The following NCOA7 variants were observed in gnomAD, a reference collection of about 807,000 sequenced individuals.
NCOA7 encodes the protein 140 kDa estrogen receptor-associated protein.
Under a neutral mutation model 104.3 loss-of-function variants are expected in NCOA7, and 45 were observed. The observed-to-expected ratio is 0.43, with a 90% CI of 0.34 to 0.55. The LOEUF (loss-of-function observed/expected upper bound fraction) is 0.55, where lower values mean the gene tolerates loss of function less well. Among genes scored for constraint, NCOA7 ranks in the 20% least tolerant of loss-of-function variants. The pLI, the probability that NCOA7 is intolerant of heterozygous loss-of-function variation, is 0.02. For missense variants in NCOA7, 1,041 were observed against 1,119.7 expected, an observed-to-expected ratio of 0.93 and a Z score of 1.00; for synonymous variants, 398 against 402.3, an observed-to-expected ratio of 0.99 and a Z score of 0.13.
At chr6:125,840,264 A>G (rs1302160457) in intron 2 of NCOA7, among the ~76,000 whole-genome samples, 1 of 152,138 alleles carries the variant, frequency 6.6e-6, no homozygotes, top group East Asian at 1.9e-4. Flanking sequence ...TTTGTATGCT[A>G]TACAATGTGT....
chr6:125,782,935 G>A (rs1774291780), intron 1 of NCOA7, among the ~76,000 whole-genome samples: 1 of 152,136 alleles, frequency 6.6e-6, no homozygotes, highest in African/African-American at 2.4e-5. Context: ...CATCACAAGC[G>A]TTCTTATGAG....
intron 2 of NCOA7, among the ~76,000 whole-genome samples, chr6:125,832,811 A>G (rs1376518210): frequency 6.6e-6 from 1 of 152,240 alleles, no homozygotes; most frequent in Non-Finnish European, 1.5e-5. Flanking sequence ...GGCAGGACAC[A>G]GGAGGAACCG....
In NCOA7 at chr6:125,882,441, C is replaced by T. The variant is rs1327835450; in HGVS notation, c.589C>T (p.Arg197Ter). 2 of 1,612,834 alleles carry T rather than the reference C, an allele frequency of 1.2e-6. No individual in the cohort carries two copies. The highest frequency in any genetic ancestry group is 1.7e-6 in the Non-Finnish European group (2 of 1,179,664). The change falls in exon 7 of 16, where the codon CGA becomes TGA. Residue 197 changes from arginine to a stop codon, truncating the protein, a stop_gained. Coordinates refer to ENST00000392477, the MANE Select transcript of NCOA7 (RefSeq NM_181782.5). LOFTEE classifies it high-confidence loss of function. Reference sequence around the variant, plus strand: ...CTTTCACAAGGATGCTGACTTAGCACGAAAGGCCTTGAAACCCATTGAAAG... The same window carrying T: ...CTTTCACAAGGATGCTGACTTAGCATGAAAGGCCTTGAAACCCATTGAAAG... ...YDKLPDADLA[R>*]KALKPIERVL...
At chr6:125,902,750 A>G (rs969188620) in intron 10 of NCOA7, among the ~76,000 whole-genome samples, 1 of 152,168 alleles carries the variant, frequency 6.6e-6, no homozygotes, top group African/African-American at 2.4e-5. Flanking sequence ...TGACCCTAAA[A>G]GAAACAGTAA....
At chr6:125,868,140 T>C (rs144247578) in intron 3 of NCOA7, among the ~76,000 whole-genome samples, 23 of 152,360 alleles carry the variant, frequency 1.5e-4, no homozygotes, top group African/African-American at 4.8e-4. Flanking sequence ...TTTTGTTCTT[T>C]TTAAAAATAC....
intron 1 of NCOA7, among the ~76,000 whole-genome samples, chr6:125,812,492 C>G (rs546817222): frequency 6.6e-6 from 1 of 152,330 alleles, no homozygotes; most frequent in African/African-American, 2.4e-5. Flanking sequence ...AGAGCTGAGA[C>G]TGTGTACTCC....
chr6:125,919,394 T>C (rs1787370524), intron 11 of NCOA7: 1 of 1,612,676 alleles, frequency 6.2e-7, no homozygotes, highest in African/African-American at 1.3e-5. Flanking sequence ...ATCCAGATTT[T>C]CTATTGTGCC....
At chr6:125,790,448 C>G (rs1774721156), upstream of NCOA7, among the ~76,000 whole-genome samples, 1 of 152,224 alleles carries the variant, frequency 6.6e-6, no homozygotes, top group Non-Finnish European at 1.5e-5. Context: ...GGAGGCGCCA[C>G]AAAGGGCCGA....
chr6:125,849,555 T>A (rs1780940946), intron 2 of NCOA7, among the ~76,000 whole-genome samples: 1 of 152,160 alleles, frequency 6.6e-6, no homozygotes, highest in Admixed American at 6.5e-5. Flanking sequence ...TTTTGCACTT[T>A]GAAAATTTTC....
rs1023265368 is a variant in NCOA7 at position 125,865,262 on chromosome 6, G to A, written c.272-9627G>A. Among the ~76,000 whole-genome samples, 10 of 138,374 alleles carry A rather than the reference G, an allele frequency of 7.2e-5. 2 individuals are homozygous for A. The highest frequency in any genetic ancestry group is 3.0e-4 in the African/African-American group (10 of 33,164). The allele number at this position is 138,374 out of a possible 152,430, so 90.8% of individuals were successfully genotyped here. ...ACGAGGAGGACCTTCTCCATGCTGA[G>A]TGCAGTAGTAGATTCTAGAGCAAAA... On this transcript the variant is annotated intron_variant, in intron 3 of 15. Transcript: ENST00000392477.
chr6:125,878,590 G>C (rs1008567554), intron 5 of NCOA7, among the ~76,000 whole-genome samples: 2 of 151,974 alleles, frequency 1.3e-5, no homozygotes. Flanking sequence ...GCTCACTGCA[G>C]CCTCAATCCC....
At chr6:125,802,138 A>T (rs1416708557) in intron 1 of NCOA7, among the ~76,000 whole-genome samples, 5 of 152,286 alleles carry the variant, frequency 3.3e-5, no homozygotes, top group Non-Finnish European at 4.4e-5. Flanking sequence ...AATTATTCAT[A>T]TAAACAATAA....
At chr6:125,849,668 A>T (rs1302450288) in intron 2 of NCOA7, among the ~76,000 whole-genome samples, 16 of 152,238 alleles carry the variant, frequency 1.1e-4, no homozygotes, top group Admixed American at 1.0e-3. Context: ...AGCAGAGATT[A>T]TGAAGAGAAG....
intron 3 of NCOA7, among the ~76,000 whole-genome samples, chr6:125,867,218 AT>A (rs1242179252): frequency 6.6e-6 from 1 of 152,222 alleles, no homozygotes; most frequent in Non-Finnish European, 1.5e-5. Context: ...AACTTTATGA[AT>A]TTTTGACATT....
intron 1 of NCOA7, among the ~76,000 whole-genome samples, chr6:125,801,118 A>G (rs1021254761): frequency 1.3e-5 from 2 of 152,218 alleles, no homozygotes; most frequent in African/African-American, 4.8e-5. Context: ...TGTTAGTGTA[A>G]AATTGCTATA....
chr6:125,856,995 CT>C (rs1781616755), intron 3 of NCOA7, among the ~76,000 whole-genome samples: 1 of 152,148 alleles, frequency 6.6e-6, no homozygotes, highest in Non-Finnish European at 1.5e-5. Context: ...GGCAGATGAT[CT>C]ATCGGCAGCC....
chr6:125,866,218 G>A (rs1208157466), intron 3 of NCOA7, among the ~76,000 whole-genome samples: 1 of 151,670 alleles, frequency 6.6e-6, no homozygotes, highest in Non-Finnish European at 1.5e-5. Context: ...AATCCCAGCT[G>A]TTCAGGAGGC....
Position 125,889,186 on chromosome 6 carries a change from A to G in NCOA7, c.1132A>G (p.Arg378Gly). 6.2e-7 allele frequency: 1 copy of G among 1,614,084 alleles called. No homozygotes were observed. Among genetic ancestry groups the G allele is most frequent in the Non-Finnish European group, 8.5e-7 (1 of 1,180,004 alleles). ...GAAATTAAAGAAACTGGACTCCTCT[A>G]GGGAGACATCCCATGGTTCTCCCAC... ...SEKLKKLDSS[R>G]ETSHGSPTVT... The change falls in exon 9 of 16, where the codon AGG (arginine) becomes GGG (glycine). Residue 378 changes from arginine (R) to glycine (G), a missense_variant. Arg to Gly is a moderately radical substitution (Grantham distance 125, BLOSUM62 -2). Around this residue, in one of 2 missense-constraint regions of NCOA7, gnomAD observed 914 missense variants for 942.7 expected, o/e 0.97. Transcript: ENST00000392477.
intron 1 of NCOA7, among the ~76,000 whole-genome samples, chr6:125,807,280 G>A (rs1311304322): frequency 6.6e-6 from 1 of 152,138 alleles, no homozygotes; most frequent in East Asian, 1.9e-4. Context: ...TTAAAATCTA[G>A]TTTCATGCCA....
Sources: gnomAD v4.1 joint callset for allele counts (sites outside exome capture counted in the v4.1 genomes callset) on GRCh38, gnomAD v4.1.1 for gene constraint, gnomAD v4.1.1 regional missense constraint, MANE v1.5 for transcripts, NCBI Gene and HGNC (gene_info 2026-07-23, HGNC 2026-07-21) for gene names.